KSR2: variants seen among roughly 807,000 people sequenced by gnomAD.
The protein encoded by KSR2 is kinase suppressor of ras 2.
In KSR2, 25 loss-of-function variants were observed where a neutral mutation model predicts 107.8. The observed-to-expected ratio is 0.23, with a 90% confidence interval of 0.17 to 0.32. The LOEUF (loss-of-function observed/expected upper bound fraction) is 0.32, where lower values mean the gene tolerates loss of function less well. KSR2 is among the 10% of genes least tolerant of loss of function. The pLI is 1.00. For missense variants in KSR2, 887 were observed against 1,268.9 expected (o/e 0.70, Z 4.57); for synonymous variants, 480 against 507.0 (o/e 0.95, Z 0.71).
At position 117,967,751 on chromosome 12, in the gene KSR2, A is replaced by G. The variant is rs543046601; in HGVS notation, c.180+325T>C. 3.0e-4 allele frequency among the ~76,000 whole-genome samples: 45 copies of G among 151,938 alleles called. 2 individuals are homozygous for G. The South Asian group carries it at 9.4e-3, about 32-fold the overall frequency. On this transcript the variant is annotated intron_variant, in intron 1 of 19. Transcript: ENST00000339824. The stretch of plus-strand genomic sequence containing the variant: ...AATCCACAAGCGGAAAAAAGAGAGA[A>G]CTCCCTCCTCAGCGAGGAAGCGAAT...
chr12:117,640,810 A>G (rs1436990640), intron 5 of KSR2, among the ~76,000 whole-genome samples: 1 of 152,160 alleles, frequency 6.6e-6, no homozygotes, highest in Non-Finnish European at 1.5e-5. Flanking sequence ...CTGGGGGGCC[A>G]TCTGTGAGGT....
chr12:117,545,884 T>A (rs1441323613), intron 9 of KSR2, among the ~76,000 whole-genome samples: 3 of 152,178 alleles, frequency 2.0e-5, no homozygotes, highest in Non-Finnish European at 2.9e-5. Flanking sequence ...TTTTACCAGT[T>A]TGAGTGAAGT....
At chr12:117,514,716 T>A (rs932701516) in intron 14 of KSR2, among the ~76,000 whole-genome samples, 2 of 152,022 alleles carry the variant, frequency 1.3e-5, no homozygotes, top group East Asian at 1.9e-4. Flanking sequence ...ATCTGGCTAG[T>A]TTTTTAATTT....
At chr12:117,693,564 A>G (rs1177870257) in intron 4 of KSR2, among the ~76,000 whole-genome samples, 2 of 152,210 alleles carry the variant, frequency 1.3e-5, no homozygotes, top group Admixed American at 1.3e-4. Flanking sequence ...CAATCGTAAT[A>G]GACAATAGTC....
chr12:117,523,246 C>T (rs1012944425), intron 14 of KSR2, among the ~76,000 whole-genome samples: 3 of 152,194 alleles, frequency 2.0e-5, no homozygotes, highest in African/African-American at 7.2e-5. Context: ...ATCAAAGACA[C>T]ACCAGCTCTT....
intron 1 of KSR2, among the ~76,000 whole-genome samples, chr12:117,881,893 A>C (rs1894038510): frequency 6.6e-6 from 1 of 152,232 alleles, no homozygotes; most frequent in Non-Finnish European, 1.5e-5. Context: ...GGTTGTGAGA[A>C]GAGAGAACAG....
chr12:117,691,330 G>A (rs1313701361), intron 4 of KSR2, among the ~76,000 whole-genome samples: 2 of 152,128 alleles, frequency 1.3e-5, no homozygotes, highest in African/African-American at 4.8e-5. Context: ...GTGTCTTACT[G>A]CTGCAAAGAA....
chr12:117,950,657 C>T (rs192433828), intron 1 of KSR2, among the ~76,000 whole-genome samples: 1 of 151,126 alleles, frequency 6.6e-6, no homozygotes, highest in Admixed American at 6.6e-5. Flanking sequence ...GGGAGGATCA[C>T]TTGAGCCCGG....
intron 1 of KSR2, among the ~76,000 whole-genome samples, chr12:117,871,027 G>A (rs1447742871): frequency 2.6e-5 from 4 of 152,188 alleles, no homozygotes; most frequent in African/African-American, 9.6e-5. Context: ...TAGTTTTCCA[G>A]GATTAATGTT....
intron 3 of KSR2, among the ~76,000 whole-genome samples, chr12:117,791,900 C>T (rs925787455): frequency 6.6e-6 from 1 of 152,222 alleles, no homozygotes; most frequent in East Asian, 1.9e-4. Flanking sequence ...CTACTTCTCT[C>T]CCCATATTTC....
intron 5 of KSR2, among the ~76,000 whole-genome samples, chr12:117,633,495 T>C (rs74497540): frequency 6.6e-6 from 1 of 152,348 alleles, no homozygotes; most frequent in East Asian, 1.9e-4. Context: ...ATTTATTCTC[T>C]CACGGTTCTA....
chr12:117,651,797 T>A (rs1883916847), intron 5 of KSR2, among the ~76,000 whole-genome samples: 1 of 152,158 alleles, frequency 6.6e-6, no homozygotes, highest in Non-Finnish European at 1.5e-5. Context: ...ACCAATGTCT[T>A]ATGAAATAGA....
chr12:117,903,420 A>T (rs535357991), intron 1 of KSR2, among the ~76,000 whole-genome samples: 1 of 152,362 alleles, frequency 6.6e-6, no homozygotes, highest in South Asian at 2.1e-4. Flanking sequence ...ATTTTTGAAT[A>T]AACAAATACT....
At chr12:117,787,604 G>C (rs1368796376) in intron 3 of KSR2, among the ~76,000 whole-genome samples, 1 of 152,112 alleles carries the variant, frequency 6.6e-6, no homozygotes, top group Non-Finnish European at 1.5e-5. Flanking sequence ...CTGCACTCCA[G>C]CCTTGGCAAC....
At chr12:117,757,187 T>A (rs144909977) in intron 4 of KSR2, among the ~76,000 whole-genome samples, 1 of 152,196 alleles carries the variant, frequency 6.6e-6, no homozygotes, top group African/African-American at 2.4e-5. Flanking sequence ...CCAACCCTCA[T>A]GGATGACTTT....
Position 117,968,913 on chromosome 12 carries a change from G to T in KSR2, c.-658C>A. 1 of 254,608 alleles carries T rather than the reference G, an allele frequency of 3.9e-6. No individual in the cohort carries two copies. The highest frequency in any genetic ancestry group is 7.8e-6 in the Non-Finnish European group (1 of 128,052). 15.8% of individuals were successfully genotyped at this position (254,608 alleles called of 1,614,324 possible). On this transcript the variant is annotated 5_prime_UTR_variant, in exon 1 of 20. Transcript: ENST00000339824. ...CCGCGCTGCTGCTGCTGCTGCTGCT[G>T]CCGCCGCCGGGCTCCGGGGGTGACG... is the stretch of plus-strand genomic sequence containing the variant.
At chr12:117,645,592 T>C (rs1254695330) in intron 5 of KSR2, among the ~76,000 whole-genome samples, 3 of 152,202 alleles carry the variant, frequency 2.0e-5, no homozygotes, top group Non-Finnish European at 1.5e-5. Flanking sequence ...AGAGGTCATA[T>C]TGTTCCTTGG....
chr12:117,798,713 A>AT (rs1305238273), intron 3 of KSR2, among the ~76,000 whole-genome samples: 33 of 92,638 alleles, frequency 3.6e-4, no homozygotes, highest in African/African-American at 2.4e-3. Flanking sequence ...AAAGTCCAAA[A>AT]AAAAAAAATA....
chr12:117,531,303 C>T (rs1305419522), intron 11 of KSR2, among the ~76,000 whole-genome samples: 1 of 152,190 alleles, frequency 6.6e-6, no homozygotes, highest in African/African-American at 2.4e-5. Context: ...TTTCTTTCTC[C>T]TGGGTTCCCT....
Sources: allele counts gnomAD v4.1 joint callset (sites outside exome capture counted in the v4.1 genomes callset), GRCh38; gene constraint gnomAD v4.1.1; transcripts MANE v1.5; gene names NCBI Gene and HGNC (gene_info 2026-07-23, HGNC 2026-07-21).